Variants in PLEKHM3 observed in about 807,000 individuals in gnomAD.
PLEKHM3 encodes the protein pleckstrin homology domain-containing family M member 3.
Under a neutral mutation model 81.8 loss-of-function variants are expected in PLEKHM3, and 45 were observed. That is an observed-to-expected ratio of 0.55 (90% CI 0.43 to 0.71). The LOEUF is 0.71. Ranked by LOEUF, PLEKHM3 falls within the 30% of genes least tolerant of loss-of-function variation. PLEKHM3 has a pLI of 0.00. For missense variants in PLEKHM3, 788 were observed against 924.3 expected (o/e 0.85, Z 1.91); for synonymous variants, 352 against 356.4 (o/e 0.99, Z 0.14).
In PLEKHM3 at chr2:207,983,907, T is replaced by C. The variant is rs532832032; in HGVS notation, c.611-6321A>G. Among the ~76,000 whole-genome samples, 3 of 152,338 alleles carry C rather than the reference T, an allele frequency of 2.0e-5. No individual in the cohort carries two copies. The South Asian group carries it at 6.2e-4, about 32-fold the overall frequency. ...ATCAAGGTTGAGTCCTCCTCCTTCC[T>C]GGCCACTTCACCCACTGTTGCCAGG... On this transcript the variant is annotated intron_variant, in intron 2 of 7. Transcript: ENST00000427836.
chr2:207,840,230 A>T (rs1249578934), intron 7 of PLEKHM3, among the ~76,000 whole-genome samples: 2 of 152,222 alleles, frequency 1.3e-5, no homozygotes, highest in Non-Finnish European at 2.9e-5. Context: ...GCTGTTGCCC[A>T]GGCTGGAGTG....
intron 3 of PLEKHM3, among the ~76,000 whole-genome samples, chr2:207,967,136 G>A (rs1430213239): frequency 1.3e-5 from 2 of 152,086 alleles, no homozygotes; most frequent in African/African-American, 4.8e-5. Flanking sequence ...ACAGGCATCA[G>A]CCACCAGGCT....
chr2:207,910,120 T>C (rs554836369), intron 5 of PLEKHM3, among the ~76,000 whole-genome samples: 2 of 152,310 alleles, frequency 1.3e-5, no homozygotes, highest in South Asian at 4.1e-4. Flanking sequence ...CATTATATTC[T>C]GGGAAACTGA....
intron 7 of PLEKHM3, among the ~76,000 whole-genome samples, chr2:207,854,416 A>T (rs2092428002): frequency 6.6e-6 from 1 of 152,208 alleles, no homozygotes; most frequent in African/African-American, 2.4e-5. Context: ...GTATTACTTA[A>T]TCCATAAAGA....
At chr2:207,859,123 G>A (rs1008002558) in intron 7 of PLEKHM3, among the ~76,000 whole-genome samples, 3 of 138,902 alleles carry the variant, frequency 2.2e-5, no homozygotes, top group African/African-American at 5.3e-5. Flanking sequence ...GTATCAGTAC[G>A]TTTTTTCTTT....
chr2:207,951,852 CTACTT>C (rs1426269575), intron 3 of PLEKHM3, among the ~76,000 whole-genome samples: 2 of 152,170 alleles, frequency 1.3e-5, no homozygotes, highest in Non-Finnish European at 2.9e-5. Flanking sequence ...CACTTTCTCT[CTACTT>C]TACGACTATT....
chr2:207,997,667 A>G (rs1282116228), intron 2 of PLEKHM3, among the ~76,000 whole-genome samples: 1 of 152,162 alleles, frequency 6.6e-6, no homozygotes, highest in Non-Finnish European at 1.5e-5. Flanking sequence ...CAGGAATGGG[A>G]GAAGGGAGGA....
chr2:207,950,691 AC>A (rs1289913373), intron 3 of PLEKHM3, among the ~76,000 whole-genome samples: 1 of 152,154 alleles, frequency 6.6e-6, no homozygotes, highest in Non-Finnish European at 1.5e-5. Context: ...CTTCTATTCA[AC>A]AAAAGTGCAG....
At chr2:207,929,906 C>T in intron 5 of PLEKHM3, 1 of 700,402 alleles carries the variant, frequency 1.4e-6, no homozygotes, top group Non-Finnish European at 2.6e-6. Flanking sequence ...CCTCCAAAAA[C>T]ATTTAACATG....
At chr2:207,865,801 AAGATATATATAT>A (rs2092495768) in intron 6 of PLEKHM3, among the ~76,000 whole-genome samples, 11 of 25,292 alleles carry the variant, frequency 4.3e-4, no homozygotes, top group African/African-American at 2.1e-3. Flanking sequence ...AAAAAAAAAA[AAGATATATATAT>A]ATATATATAT....
At chr2:207,838,559 T>C (rs1349400800) in intron 7 of PLEKHM3, among the ~76,000 whole-genome samples, 1 of 152,248 alleles carries the variant, frequency 6.6e-6, no homozygotes, top group African/African-American at 2.4e-5. Flanking sequence ...TGCTTCTTGC[T>C]AACTTGTGGA....
At chr2:207,884,842 C>T (rs2105859017) in intron 6 of PLEKHM3, among the ~76,000 whole-genome samples, 1 of 152,322 alleles carries the variant, frequency 6.6e-6, no homozygotes, top group South Asian at 2.1e-4. Flanking sequence ...GCCCTGCCTA[C>T]TCCCAAGGGA....
At chr2:207,835,359 T>A (rs1343391357) in intron 7 of PLEKHM3, among the ~76,000 whole-genome samples, 1 of 152,200 alleles carries the variant, frequency 6.6e-6, no homozygotes, top group East Asian at 1.9e-4. Flanking sequence ...CAGGTTGGCC[T>A]TGGTGTCACA....
intron 3 of PLEKHM3, 136 bp from the exon 4 acceptor site, chr2:207,946,648 T>A (rs1015181797): frequency 1.7e-6 from 2 of 1,202,746 alleles, no homozygotes; most frequent in Non-Finnish European, 2.3e-6. Flanking sequence ...AAGTTACAGA[T>A]AATAGAGTTG....
At chr2:207,948,349 CTTTTTTTTTT>C (rs752976462) in intron 3 of PLEKHM3, among the ~76,000 whole-genome samples, 2 of 81,066 alleles carry the variant, frequency 2.5e-5, no homozygotes, top group Non-Finnish European at 4.4e-5. Context: ...CTCCTCAGAT[CTTTTTTTTTT>C]TTTTTTTTTT....
chr2:207,980,847 G>A (rs888593279), intron 2 of PLEKHM3, among the ~76,000 whole-genome samples: 1 of 152,082 alleles, frequency 6.6e-6, no homozygotes, highest in East Asian at 1.9e-4. Flanking sequence ...AATAAGAATC[G>A]GCCGGGCACG....
chr2:207,834,154 G>T (rs560360439), intron 7 of PLEKHM3, among the ~76,000 whole-genome samples: 269 of 145,356 alleles, frequency 1.9e-3, no homozygotes, highest in Non-Finnish European at 3.1e-3. Context: ...TTGAGACAGA[G>T]TTTTTGCTCT....
rs1415093761 is a variant in PLEKHM3, at chr2:207,880,717, C to T, written c.1951-19455G>A. ...GGCGGAGCCTGCAGTGAGCCGAGAT[C>T]GTGCCACTGCACTCCAGCCTGGGAG... On this transcript the variant is annotated intron_variant, in intron 6 of 7. Coordinates refer to ENST00000427836, the MANE Select transcript of PLEKHM3 (RefSeq NM_001080475.3). Among the ~76,000 whole-genome samples, 11 of 123,874 alleles carry T rather than the reference C, an allele frequency of 8.9e-5. No individual in the cohort carries two copies. In the East Asian group the frequency reaches 1.0e-3, roughly 11 times the overall value. 81.3% of individuals were successfully genotyped at this position (123,874 alleles called of 152,430 possible).
chr2:207,931,830 A>G (rs1326351717), intron 4 of PLEKHM3, among the ~76,000 whole-genome samples: 1 of 152,008 alleles, frequency 6.6e-6, no homozygotes, highest in Non-Finnish European at 1.5e-5. Context: ...GAAATTAGCC[A>G]GGCGTGGTGG....
Sources: gnomAD v4.1 joint callset for allele counts (sites outside exome capture counted in the v4.1 genomes callset) on GRCh38, gnomAD v4.1.1 for gene constraint, MANE v1.5 for transcripts, NCBI Gene and HGNC (gene_info 2026-07-23, HGNC 2026-07-21) for gene names.